TRPS1: variants seen among roughly 807,000 people sequenced by gnomAD.
TRPS1 encodes the protein zinc finger transcription factor Trps1.
In TRPS1, 6 loss-of-function variants were observed where a neutral mutation model predicts 101.2. That is an observed-to-expected ratio of 0.06 (90% confidence interval 0.03 to 0.12). The LOEUF (loss-of-function observed/expected upper bound fraction) is 0.12. TRPS1 is among the 10% of genes least tolerant of loss of function. TRPS1 has a pLI of 1.00. For synonymous variants in TRPS1, 578 were observed against 589.8 expected (o/e 0.98, Z 0.29); for missense variants, 1,363 against 1,567.0 (o/e 0.87, Z 2.20).
chr8:115,578,842 G>T (rs1217358643), intron 5 of TRPS1, among the ~76,000 whole-genome samples: 1 of 152,036 alleles, frequency 6.6e-6, no homozygotes, highest in Non-Finnish European at 1.5e-5. Context: ...TTTCAAAAAG[G>T]TATTTTGTTT....
intron 5 of TRPS1, among the ~76,000 whole-genome samples, chr8:115,560,993 T>C (rs1055059810): frequency 8.5e-5 from 13 of 152,122 alleles, no homozygotes; most frequent in Non-Finnish European, 1.6e-4. Flanking sequence ...GAACTCAAAG[T>C]ACGAAAACCA....
chr8:115,618,990 C>A, intron 3 of TRPS1, 142 bp downstream of exon 3: 1 of 805,184 alleles, frequency 1.2e-6, no homozygotes. Flanking sequence ...TATGAAGTAG[C>A]TATGGAGTGT....
intron 5 of TRPS1, among the ~76,000 whole-genome samples, chr8:115,437,763 A>T (rs1332062238): frequency 6.6e-6 from 1 of 152,130 alleles, no homozygotes; most frequent in Non-Finnish European, 1.5e-5. Flanking sequence ...TATTTATTGT[A>T]AATATTAAAT....
Position 115,487,494 on chromosome 8 carries a change from G to C in TRPS1, c.2701-69042C>G, listed in dbSNP as rs191455111. On this transcript the variant is annotated intron_variant, in intron 5 of 6. Coordinates refer to ENST00000395715, the MANE Select transcript of TRPS1 (RefSeq NM_014112.5). ...AGATAGTGACTGCTCTGATGGATCT[G>C]GGCAAAGTCAATTGAAAACCTTCAA... Among the ~76,000 whole-genome samples, 261 of 152,222 alleles carry C rather than the reference G, an allele frequency of 1.7e-3. 1 individual carries two copies. The highest frequency in any genetic ancestry group is 5.9e-3 in the African/African-American group (247 of 41,540).
At chr8:115,618,991 T>C in intron 3 of TRPS1, 141 bp downstream of exon 3, 1 of 814,046 alleles carries the variant, frequency 1.2e-6, no homozygotes, top group South Asian at 1.6e-5. Flanking sequence ...ATGAAGTAGC[T>C]ATGGAGTGTG....
intron 5 of TRPS1, among the ~76,000 whole-genome samples, chr8:115,525,640 G>C (rs539824172): frequency 6.6e-6 from 1 of 152,264 alleles, no homozygotes; most frequent in East Asian, 1.9e-4. Context: ...GAGTGAGAGA[G>C]TGGTTAGAAA....
At chr8:115,542,467 T>TA (rs944142625) in intron 5 of TRPS1, among the ~76,000 whole-genome samples, 3 of 151,120 alleles carry the variant, frequency 2.0e-5, no homozygotes, top group African/African-American at 7.3e-5. Context: ...GGGGCAGTGT[T>TA]AAAAAAACTA....
intron 1 of TRPS1, among the ~76,000 whole-genome samples, chr8:115,625,498 C>T (rs933979697): frequency 6.6e-6 from 1 of 151,782 alleles, no homozygotes; most frequent in Admixed American, 6.6e-5. Flanking sequence ...GTTTAAATAC[C>T]ACCGAAGCCT....
At chr8:115,449,319 T>G (rs1443660564) in intron 5 of TRPS1, among the ~76,000 whole-genome samples, 1 of 152,222 alleles carries the variant, frequency 6.6e-6, no homozygotes, top group Non-Finnish European at 1.5e-5. Flanking sequence ...TAGATTTTAT[T>G]TTGCTTTTGC....
chr8:115,548,511 C>T (rs1184200295), intron 5 of TRPS1, among the ~76,000 whole-genome samples: 1 of 151,852 alleles, frequency 6.6e-6, no homozygotes, highest in South Asian at 2.1e-4. Flanking sequence ...CCCTGCTGAT[C>T]GCGAACTCCT....
chr8:115,475,733 C>A (rs921166262), intron 5 of TRPS1, among the ~76,000 whole-genome samples: 3 of 152,052 alleles, frequency 2.0e-5, no homozygotes, highest in Non-Finnish European at 4.4e-5. Flanking sequence ...GTAATGAATG[C>A]ATATTGAAGA....
chr8:115,661,131 T>C (rs1357322156), intron 1 of TRPS1, among the ~76,000 whole-genome samples: 1 of 152,108 alleles, frequency 6.6e-6, no homozygotes, highest in African/African-American at 2.4e-5. Flanking sequence ...GAAGCATTTC[T>C]TACAATACAC....
rs540945247 is a variant in TRPS1, at chr8:115,533,296, T to C, written c.2700+53705A>G. On this transcript the variant is annotated intron_variant, in intron 5 of 6. Coordinates refer to ENST00000395715, the MANE Select transcript of TRPS1 (RefSeq NM_014112.5). Reference sequence around the variant, plus strand: ...CCACCCTCTGGTGAATCAAGGTCAGTAGGAAAACTAGTTCCAATATTTCTA... The same window carrying C: ...CCACCCTCTGGTGAATCAAGGTCAGCAGGAAAACTAGTTCCAATATTTCTA... Among the ~76,000 whole-genome samples, 46 of 152,238 alleles carry C rather than the reference T, an allele frequency of 3.0e-4. 1 individual carries two copies. Among genetic ancestry groups the C allele is most frequent in the Non-Finnish European group, 1.6e-4 (11 of 68,018 alleles).
Position 115,619,436 on chromosome 8 carries a change from T to A in TRPS1, c.662A>T (p.Asp221Val). The change falls in exon 3 of 7, where the codon GAC becomes GTC. Residue 221 changes from aspartate to valine, a missense_variant. Coordinates refer to ENST00000395715, the MANE Select transcript of TRPS1 (RefSeq NM_014112.5). ...NKSKTDLLVN[D>V]NPDPAPLSPE... ...AGACAGAGGTGCCGGGTCTGGGTTG[T>A]CATTCACCAGTAAGTCAGTTTTGGA... is the stretch of plus-strand genomic sequence containing the variant. 1 of 1,614,244 alleles carries A rather than the reference T, an allele frequency of 6.2e-7. No homozygotes were observed. The highest frequency in any genetic ancestry group is 8.5e-7 in the Non-Finnish European group (1 of 1,180,050).
chr8:115,423,909 GT>G (rs1249138950), intron 5 of TRPS1, among the ~76,000 whole-genome samples: 3 of 151,892 alleles, frequency 2.0e-5, no homozygotes, highest in Non-Finnish European at 2.9e-5. Context: ...AAATTTTAAG[GT>G]TTCCAAATCT....
chr8:115,424,016 ATTCATC>A (rs1813131258), intron 5 of TRPS1, among the ~76,000 whole-genome samples: 1 of 152,336 alleles, frequency 6.6e-6, no homozygotes, highest in East Asian at 1.9e-4. Flanking sequence ...AGACATGGAT[ATTCATC>A]TTCAAGATAT....
chr8:115,613,691 AG>A (rs1417141719), intron 3 of TRPS1, among the ~76,000 whole-genome samples: 2 of 152,182 alleles, frequency 1.3e-5, no homozygotes, highest in East Asian at 3.9e-4. Flanking sequence ...GTTTACTTCT[AG>A]GGCTATTATG....
intron 5 of TRPS1, among the ~76,000 whole-genome samples, chr8:115,450,682 C>G (rs1423767057): frequency 6.6e-6 from 1 of 152,046 alleles, no homozygotes; most frequent in Non-Finnish European, 1.5e-5. Flanking sequence ...CATGTGACAC[C>G]CATACATCCC....
intron 5 of TRPS1, among the ~76,000 whole-genome samples, chr8:115,558,480 T>C (rs1032545888): frequency 7.2e-5 from 11 of 152,200 alleles, no homozygotes; most frequent in Non-Finnish European, 4.4e-5. Flanking sequence ...TGGTTTTCCA[T>C]AGAATTCAAG....
Sources: allele counts gnomAD v4.1 joint callset (sites outside exome capture counted in the v4.1 genomes callset), GRCh38; gene constraint gnomAD v4.1.1; transcripts MANE v1.5; gene names NCBI Gene and HGNC (gene_info 2026-07-23, HGNC 2026-07-21).